RNF17: variants seen among roughly 807,000 people sequenced by gnomAD.
The protein encoded by RNF17 is ring finger protein 17, also known as spermatogenesis associated 23.
A neutral mutation model predicts 200.5 loss-of-function variants in RNF17; 31 were observed. The observed-to-expected ratio is 0.15, with a 90% CI of 0.12 to 0.21. The LOEUF is 0.21. Among genes scored for constraint, RNF17 ranks in the 10% least tolerant of loss-of-function variants. The pLI is 1.00. For synonymous variants in RNF17, 606 were observed against 637.8 expected (o/e 0.95, Z 0.75); for missense variants, 1,628 against 1,905.1 (o/e 0.85, Z 2.71).
At chr13:24,801,641 C>G (rs546332937) in intron 13 of RNF17, among the ~76,000 whole-genome samples, 1 of 152,004 alleles carries the variant, frequency 6.6e-6, no homozygotes, top group African/African-American at 2.4e-5. Flanking sequence ...AATTGTTTGC[C>G]CAGTGGGTGG....
intron 10 of RNF17, among the ~76,000 whole-genome samples, chr13:24,793,642 T>C (rs551773330): frequency 6.6e-6 from 1 of 152,342 alleles, no homozygotes; most frequent in South Asian, 2.1e-4. Flanking sequence ...GTATAAAAGA[T>C]ATAAATAGAG....
chr13:24,820,296 A>G (rs1887893587), intron 15 of RNF17, among the ~76,000 whole-genome samples: 1 of 151,256 alleles, frequency 6.6e-6, no homozygotes, highest in Non-Finnish European at 1.5e-5. Context: ...TAATTTTTAT[A>G]TTTTTAGTAG....
intron 11 of RNF17, 81 bp from the exon 12 acceptor site, chr13:24,799,314 G>A (rs1018937117): frequency 1.9e-6 from 2 of 1,057,796 alleles, no homozygotes; most frequent in Non-Finnish European, 2.9e-6. Context: ...CTTTTTCGTG[G>A]TAGAACTAAC....
chr13:24,867,937 A>T lies in RNF17; in HGVS notation c.4162-663A>T, dbSNP rs1004952133. Among the ~76,000 whole-genome samples the T allele has an allele frequency of 4.6e-5, 7 of 152,306 alleles. No homozygotes were observed. The East Asian group carries it at 1.3e-3, about 29-fold the overall frequency. On this transcript the variant is annotated intron_variant, in intron 30 of 35. Transcript: ENST00000255324. Reference sequence around the variant, plus strand: ...GCAAAAATGTATAAAAGGAAAAAGGATCTGTTCCTCATTCTGCACCTCAAA... The same window carrying T: ...GCAAAAATGTATAAAAGGAAAAAGGTTCTGTTCCTCATTCTGCACCTCAAA...
chr13:24,750,991 ATAAGTTACTGAACAACTTTCTAAAGCTGG>A, the RNF17 span: 20 of 152,256 alleles, frequency 1.3e-4, no homozygotes, highest in East Asian at 3.5e-3. Flanking sequence ...AAAGATAACA[ATAAGTTACTGAACAACTTTCTAAAGCTGG>A]AATTAAATTC....
chr13:24,868,848 C>T, intron 31 of RNF17, 132 bp downstream of exon 31: 1 of 647,712 alleles, frequency 1.5e-6, no homozygotes, highest in South Asian at 1.8e-5. Flanking sequence ...TCTAGTTTGC[C>T]CCACCCTATA....
upstream of RNF17, among the ~76,000 whole-genome samples, chr13:24,762,424 A>T (rs1878849787): frequency 6.6e-6 from 1 of 151,356 alleles, no homozygotes; most frequent in African/African-American, 2.4e-5. Context: ...AGTGAACAGT[A>T]GGTATTCCAG....
intron 25 of RNF17, among the ~76,000 whole-genome samples, chr13:24,857,095 C>T (rs1406689093): frequency 6.6e-6 from 1 of 152,088 alleles, no homozygotes; most frequent in African/African-American, 2.4e-5. Flanking sequence ...AGACATAGAT[C>T]AGACAAAGGG....
At chr13:24,800,888 A>G (rs9511450) in intron 13 of RNF17, among the ~76,000 whole-genome samples, 34,936 of 152,070 alleles carry the variant, frequency 0.23, 4,515 homozygotes, top group Non-Finnish European at 0.29. Flanking sequence ...TTTAATGGCC[A>G]TATTGCATTC....
At chr13:24,883,295 T>C, downstream of RNF17, 1 of 1,614,010 alleles carries the variant, frequency 6.2e-7, no homozygotes, top group East Asian at 2.2e-5. Context: ...GCCATCTGGG[T>C]ATTCCCGTCT....
chr13:24,820,744 A>G (rs1887966102), intron 15 of RNF17, among the ~76,000 whole-genome samples: 1 of 152,154 alleles, frequency 6.6e-6, no homozygotes, highest in Non-Finnish European at 1.5e-5. Flanking sequence ...CCTGGCCTCC[A>G]AGATTTCTAA....
At chr13:24,885,634 CGAGGAGGTGCA>C in the RNF17 span, 1 of 1,612,790 alleles carries the variant, frequency 6.2e-7, no homozygotes, top group Non-Finnish European at 8.5e-7. Context: ...GCCTAAATCA[CGAGGAGGTGCA>C]GACTTGGATC....
chr13:24,834,393 T>TGA lies in RNF17; in HGVS notation c.2482+2421_2482+2422dup, dbSNP rs376462167. Among the ~76,000 whole-genome samples, 574 of 151,362 alleles carry TGA rather than the reference T, an allele frequency of 3.8e-3. 3 individuals are homozygous for TGA. The highest frequency in any genetic ancestry group is 0.013 in the African/African-American group (540 of 41,146). On this transcript the variant is annotated intron_variant, in intron 18 of 35. Transcript: ENST00000255324. ...TTGTGCCACTGCACTCCAGCCTGGGTGAGAGAGCGAGACTTCATCTCAAAT... is the reference window on the plus strand; with the variant it reads ...TTGTGCCACTGCACTCCAGCCTGGGTGAGAGAGAGCGAGACTTCATCTCAAAT...
chr13:24,841,780 G>A (rs1277884662), intron 18 of RNF17, among the ~76,000 whole-genome samples: 1 of 152,070 alleles, frequency 6.6e-6, no homozygotes, highest in Non-Finnish European at 1.5e-5. Flanking sequence ...CCAACATGGT[G>A]AAACCCCGTC....
At chr13:24,866,311 C>A in intron 30 of RNF17, 108 bp downstream of exon 30, 1 of 607,722 alleles carries the variant, frequency 1.6e-6, no homozygotes, top group Non-Finnish European at 2.9e-6. Flanking sequence ...ATTTATATAT[C>A]ATAGAATTTA....
intron 7 of RNF17, 67 bp from the exon 8 acceptor site, chr13:24,789,281 A>G: frequency 9.3e-7 from 1 of 1,075,528 alleles, no homozygotes; most frequent in Non-Finnish European, 1.4e-6. Context: ...TTTCTTTCTA[A>G]AATCTTACTG....
chr13:24,806,504 C>T (rs992501030), intron 15 of RNF17, among the ~76,000 whole-genome samples: 1 of 152,148 alleles, frequency 6.6e-6, no homozygotes, highest in South Asian at 2.1e-4. Flanking sequence ...ACATCCTCTC[C>T]AGCATCTGAT....
chr13:24,784,549 T>C (rs1882841709), intron 6 of RNF17, among the ~76,000 whole-genome samples: 1 of 152,174 alleles, frequency 6.6e-6, no homozygotes, highest in Admixed American at 6.5e-5. Flanking sequence ...TTTAATACTT[T>C]TATGAGTCAG....
chr13:24,749,372 T>G, the RNF17 span, among the ~76,000 whole-genome samples: 3 of 147,624 alleles, frequency 2.0e-5, no homozygotes, highest in African/African-American at 7.5e-5. Flanking sequence ...TGGTGCTATC[T>G]CAGCTCACTG....
Sources: gnomAD v4.1 joint callset for allele counts (sites outside exome capture counted in the v4.1 genomes callset) on GRCh38, gnomAD v4.1.1 for gene constraint, MANE v1.5 for transcripts, NCBI Gene and HGNC (gene_info 2026-07-23, HGNC 2026-07-21) for gene names.